The following NPAS3 variants were observed in gnomAD, a reference collection of about 807,000 sequenced individuals.
NPAS3 encodes neuronal PAS domain protein 3, also known as neuronal PAS domain-containing protein 3.
In NPAS3, 14 loss-of-function variants were observed where a neutral mutation model predicts 73.1. The ratio of observed to expected loss-of-function variants is 0.19; its 90% CI spans 0.13 to 0.30. NPAS3 has a LOEUF of 0.30. Among genes scored for constraint, NPAS3 ranks in the 10% least tolerant of loss-of-function variants. The probability of loss-of-function intolerance (pLI) is 1.00; values close to 1 mark genes in which losing one functional copy is unlikely to be tolerated. For synonymous variants in NPAS3, 620 were observed against 541.5 expected, an observed-to-expected ratio of 1.14 and a Z score of -2.01; for missense variants, 1,096 against 1,250.0, an observed-to-expected ratio of 0.88 and a Z score of 1.86.
intron 5 of NPAS3, among the ~76,000 whole-genome samples, chr14:33,592,402 A>G (rs2057099840): frequency 6.6e-6 from 1 of 152,228 alleles, no homozygotes; most frequent in Non-Finnish European, 1.5e-5. Flanking sequence ...AGACACAAAC[A>G]TATTAAAATT....
chr14:33,794,593 T>C (rs2063457522), intron 10 of NPAS3, among the ~76,000 whole-genome samples: 1 of 104,624 alleles, frequency 9.6e-6, no homozygotes, highest in African/African-American at 3.6e-5. Flanking sequence ...ACAATAGCGG[T>C]GTAAAAAATG....
chr14:33,136,651 C>A (rs938407947), intron 2 of NPAS3, among the ~76,000 whole-genome samples: 1 of 152,226 alleles, frequency 6.6e-6, no homozygotes, highest in Admixed American at 6.5e-5. Context: ...AGCCTTATTT[C>A]AAAGTCTGTG....
chr14:33,341,288 G>C (rs1422249302), intron 3 of NPAS3, among the ~76,000 whole-genome samples: 1 of 152,044 alleles, frequency 6.6e-6, no homozygotes, highest in African/African-American at 2.4e-5. Flanking sequence ...TTTATAACTT[G>C]GCCATAAAAA....
chr14:33,801,249 C>G (rs1440836995), downstream of NPAS3: 1 of 1,437,204 alleles, frequency 7.0e-7, no homozygotes, highest in Non-Finnish European at 9.2e-7. Context: ...ATTCCACCCC[C>G]TCTTTCTTTC....
At chr14:33,256,443 C>A (rs2048784305) in intron 3 of NPAS3, among the ~76,000 whole-genome samples, 1 of 152,058 alleles carries the variant, frequency 6.6e-6, no homozygotes, top group Admixed American at 6.5e-5. Flanking sequence ...CAATTTAAAT[C>A]TAAGAAATGG....
chr14:32,987,690 CA>C (rs1332519446), intron 1 of NPAS3, among the ~76,000 whole-genome samples: 1 of 152,110 alleles, frequency 6.6e-6, no homozygotes, highest in African/African-American at 2.4e-5. Flanking sequence ...ATAAAAATTA[CA>C]AACTTAAAAG....
chr14:33,158,640 A>T (rs2044735812), intron 2 of NPAS3, among the ~76,000 whole-genome samples: 2 of 152,198 alleles, frequency 1.3e-5, no homozygotes. Flanking sequence ...ATAAGACAGC[A>T]GAGGTTAAAT....
At chr14:33,048,083 A>G (rs780091887) in intron 1 of NPAS3, among the ~76,000 whole-genome samples, 2 of 152,206 alleles carry the variant, frequency 1.3e-5, no homozygotes, top group Non-Finnish European at 2.9e-5. Context: ...ACTTGGGGTC[A>G]GAAGAGCTGA....
At chr14:33,645,667 C>G (rs1283343168) in intron 5 of NPAS3, among the ~76,000 whole-genome samples, 1 of 152,168 alleles carries the variant, frequency 6.6e-6, no homozygotes, top group Non-Finnish European at 1.5e-5. Flanking sequence ...TCCAGCCTGG[C>G]AAAATGGAGC....
intron 2 of NPAS3, among the ~76,000 whole-genome samples, chr14:33,147,331 C>T (rs1031560787): frequency 2.0e-5 from 3 of 152,134 alleles, no homozygotes; most frequent in Admixed American, 6.5e-5. Context: ...CTTTAAGACT[C>T]CATTTCCCCA....
rs964208297 is a variant in NPAS3, at chr14:33,215,001, A to G, written c.141-181A>G. On this transcript the variant is annotated intron_variant, in intron 2 of 11. Coordinates refer to ENST00000356141, the Ensembl canonical transcript of NPAS3. Reference sequence around the variant, plus strand: ...ACTTGAGTTTACAAAATGTAAGGCCAGAGTTAGAGTTTATGGCTTTAGTGG... The same window carrying G: ...ACTTGAGTTTACAAAATGTAAGGCCGGAGTTAGAGTTTATGGCTTTAGTGG... The G allele has an allele frequency of 4.8e-6, 3 of 620,176 alleles. No homozygotes were observed. The African/African-American group carries it at 5.5e-5, about 11-fold the overall frequency. 38.4% of individuals were successfully genotyped at this position (620,176 alleles called of 1,614,324 possible). A position where few individuals can be genotyped will look rare whatever the true frequency, so the allele number is the denominator to read the frequency against.
At chr14:33,269,104 A>G (rs978771508) in intron 3 of NPAS3, among the ~76,000 whole-genome samples, 2 of 152,228 alleles carry the variant, frequency 1.3e-5, no homozygotes, top group Admixed American at 6.5e-5. Flanking sequence ...ATAGTCGCCT[A>G]GGAAACAGTG....
At chr14:33,265,963 T>C (rs552871353) in intron 3 of NPAS3, among the ~76,000 whole-genome samples, 5 of 151,420 alleles carry the variant, frequency 3.3e-5, no homozygotes, top group African/African-American at 1.2e-4. Flanking sequence ...TACTTACATA[T>C]GTATATGCAC....
At position 33,215,368 on chromosome 14, in the gene NPAS3, G is replaced by T. The variant is rs528364700; in HGVS notation, c.327G>T (p.Gln109His). ...TGAAAATGAGGGACTTTGCTAACCA[G>T]GGGGACCCTCCGTGGAACTTGCGAA... Residue 109 changes from glutamine to histidine, a missense_variant, in exon 3 of 12, where the codon CAG becomes CAT. Transcript: ENST00000356141. 14 of 1,613,320 alleles carry T rather than the reference G, an allele frequency of 8.7e-6. No individual in the cohort carries two copies. In the African/African-American group the frequency reaches 1.5e-4, roughly 17 times the overall value.
intron 1 of NPAS3, among the ~76,000 whole-genome samples, chr14:33,003,383 C>T (rs901921747): frequency 2.6e-5 from 4 of 152,116 alleles, no homozygotes; most frequent in Admixed American, 2.6e-4. Context: ...AACTGCACAA[C>T]TAAATGCATG....
At chr14:33,121,884 C>T (rs540406499) in intron 2 of NPAS3, among the ~76,000 whole-genome samples, 8 of 152,202 alleles carry the variant, frequency 5.3e-5, no homozygotes, top group Non-Finnish European at 1.0e-4. Flanking sequence ...AATTGTATCT[C>T]ACTTATTACT....
chr14:33,222,156 T>C (rs1028234456), intron 3 of NPAS3, among the ~76,000 whole-genome samples: 2 of 152,194 alleles, frequency 1.3e-5, no homozygotes, highest in African/African-American at 2.4e-5. Context: ...CATTTCTTCC[T>C]CTGGGCATAG....
intron 4 of NPAS3, among the ~76,000 whole-genome samples, chr14:33,449,278 C>A (rs1481224739): frequency 1.3e-5 from 2 of 152,178 alleles, no homozygotes; most frequent in Non-Finnish European, 2.9e-5. Flanking sequence ...GATGGAATAA[C>A]CTCTATCTTA....
chr14:33,257,566 G>T (rs756084549), intron 3 of NPAS3, among the ~76,000 whole-genome samples: 30 of 152,174 alleles, frequency 2.0e-4, no homozygotes, highest in Non-Finnish European at 3.7e-4. Context: ...GTGCTGACGG[G>T]ATTGCTTTTT....
Sources: allele counts gnomAD v4.1 joint callset (sites outside exome capture counted in the v4.1 genomes callset), GRCh38; gene constraint gnomAD v4.1.1; transcripts MANE v1.5; gene names NCBI Gene and HGNC (gene_info 2026-07-23, HGNC 2026-07-21).